Variants in MYO16 observed in about 807,000 individuals in gnomAD.
MYO16 encodes the protein myosin XVI, also known as unconventional myosin-XVI.
In MYO16, 94 loss-of-function variants were observed where a neutral mutation model predicts 205.3. That is an observed-to-expected ratio of 0.46 (90% CI 0.39 to 0.54). The LOEUF is 0.54. MYO16 is among the 20% of genes least tolerant of loss of function. The pLI is 0.00. For missense variants in MYO16, 2,315 were observed against 2,387.5 expected (o/e 0.97, Z 0.63); for synonymous variants, 988 against 954.0 (o/e 1.04, Z -0.66).
Position 108,597,059 on chromosome 13 carries a change from A to G in MYO16, c.-39+820A>G, listed in dbSNP as rs919733757. Reference sequence around the variant, plus strand: ...AAATTATCACATGTACCCTGAAACTATATACATCTATTATGCATCAATACA... The same window carrying G: ...AAATTATCACATGTACCCTGAAACTGTATACATCTATTATGCATCAATACA... On this transcript the variant is annotated intron_variant, in intron 1 of 24. Transcript: ENST00000251041. Among the ~76,000 whole-genome samples the G allele has an allele frequency of 2.6e-5, 4 of 152,342 alleles. No individual in the cohort carries two copies. In the East Asian group the frequency reaches 5.8e-4, roughly 22 times the overall value.
At chr13:108,664,203 C>T (rs1926540) in intron 1 of MYO16, among the ~76,000 whole-genome samples, 6,501 of 152,236 alleles carry the variant, frequency 0.043, 166 homozygotes, top group Middle Eastern at 0.14. Flanking sequence ...GATACTAAAA[C>T]GTATAGCTTC....
At chr13:108,661,035 T>G (rs905748877) in intron 1 of MYO16, among the ~76,000 whole-genome samples, 15 of 152,184 alleles carry the variant, frequency 9.9e-5, no homozygotes, top group Admixed American at 7.9e-4. Flanking sequence ...CCTTCCTTCA[T>G]GTATGATGCT....
Position 109,162,290 on chromosome 13 carries a change from G to C in MYO16, c.5165-2611G>C, listed in dbSNP as rs753082389. Among the ~76,000 whole-genome samples the C allele has an allele frequency of 3.9e-5, 6 of 152,180 alleles. No individual in the cohort carries two copies. Among genetic ancestry groups the C allele is most frequent in the Admixed American group, 3.9e-4 (6 of 15,274 alleles). On this transcript the variant is annotated intron_variant, in intron 32 of 34. Transcript: ENST00000457511. This position sits in a 1 kb window ranked among gnomAD's most constrained non-coding sequence, Gnocchi z 4.6. The stretch of plus-strand genomic sequence containing the variant: ...AGTCAGCAAGTGCCTTAGAGGATTC[G>C]TTTATTGCCACCAGGTGTAAGAGGA...
In MYO16 at chr13:108,653,895, G is replaced by C. The variant is rs926096725; in HGVS notation, c.29-11991G>C. Among the ~76,000 whole-genome samples, 7 of 152,152 alleles carry C rather than the reference G, an allele frequency of 4.6e-5. No individual in the cohort carries two copies. The East Asian group carries it at 5.8e-4, about 13-fold the overall frequency. On this transcript the variant is annotated intron_variant, in intron 1 of 34. Transcript: ENST00000457511. The stretch of plus-strand genomic sequence containing the variant: ...TCCTATGTATTGAGACAGCTCAACA[G>C]AGAAAACCCATAAGGGAGTGAAGGA...
At chr13:108,500,305 C>T in the MYO16 span, among the ~76,000 whole-genome samples, 14 of 134,596 alleles carry the variant, frequency 1.0e-4, no homozygotes, top group Admixed American at 4.3e-4. Context: ...TCTCATCTCA[C>T]TGCAACCTCT....
chr13:108,704,121 C>T (rs537316331), intron 2 of MYO16, among the ~76,000 whole-genome samples: 1 of 152,240 alleles, frequency 6.6e-6, no homozygotes, highest in Non-Finnish European at 1.5e-5. Context: ...GTTTCCAGAA[C>T]TATGAGAAAA....
chr13:108,869,207 T>C (rs1878886171), intron 12 of MYO16, among the ~76,000 whole-genome samples: 1 of 152,144 alleles, frequency 6.6e-6, no homozygotes, highest in South Asian at 2.1e-4. Flanking sequence ...CAGTTCAATT[T>C]AGAAACAGAC....
chr13:108,747,943 A>G (rs1885118225), intron 4 of MYO16, among the ~76,000 whole-genome samples: 1 of 152,114 alleles, frequency 6.6e-6, no homozygotes, highest in African/African-American at 2.4e-5. Context: ...AGGAATTGAT[A>G]GATCAAACAG....
chr13:108,965,313 C>A (rs1166039625), intron 20 of MYO16, among the ~76,000 whole-genome samples: 1 of 152,124 alleles, frequency 6.6e-6, no homozygotes, highest in Non-Finnish European at 1.5e-5. Flanking sequence ...GGTTTTGGAT[C>A]AGTAATTCTT....
intron 1 of MYO16, among the ~76,000 whole-genome samples, chr13:108,663,713 G>A (rs1012228912): frequency 2.0e-5 from 3 of 152,186 alleles, no homozygotes; most frequent in Non-Finnish European, 2.9e-5. Flanking sequence ...TTCACCAAGA[G>A]ACGCTTCTTA....
the MYO16 span, among the ~76,000 whole-genome samples, chr13:108,551,664 G>A: frequency 6.6e-6 from 1 of 151,994 alleles, no homozygotes; most frequent in East Asian, 1.9e-4. Context: ...CAAGGATTCT[G>A]CGTTGCCCAG....
At chr13:108,698,127 C>T (rs545620608) in intron 2 of MYO16, among the ~76,000 whole-genome samples, 30 of 152,226 alleles carry the variant, frequency 2.0e-4, no homozygotes, top group African/African-American at 5.3e-4. Context: ...TGTCCAGCAC[C>T]GATAATTAAG....
At chr13:108,968,153 C>G (rs1310971019) in intron 20 of MYO16, among the ~76,000 whole-genome samples, 1 of 152,214 alleles carries the variant, frequency 6.6e-6, no homozygotes, top group African/African-American at 2.4e-5. Context: ...CACGGCAGTA[C>G]CTGTGCTCTC....
intron 13 of MYO16, among the ~76,000 whole-genome samples, chr13:108,884,651 A>T (rs1304485835): frequency 6.6e-6 from 1 of 151,572 alleles, no homozygotes; most frequent in East Asian, 2.0e-4. Flanking sequence ...AACCCATTCT[A>T]GACACAAGGA....
Position 108,757,700 on chromosome 13 carries a change from A to G in MYO16, c.508-27935A>G, listed in dbSNP as rs145243569. ...TGTGTCCAAGTGTTCTCATTGTTCA[A>G]TTCCCACCTATGAGTGAGAACATGC... is the stretch of plus-strand genomic sequence containing the variant. On this transcript the variant is annotated intron_variant, in intron 4 of 34. Transcript: ENST00000457511. Among the ~76,000 whole-genome samples the G allele has an allele frequency of 3.1e-3, 470 of 152,112 alleles. 1 individual carries two copies. Among genetic ancestry groups the G allele is most frequent in the African/African-American group, 0.011 (458 of 41,480 alleles).
At chr13:109,193,253 T>A (rs576999793) in intron 34 of MYO16, among the ~76,000 whole-genome samples, 1 of 152,342 alleles carries the variant, frequency 6.6e-6, no homozygotes, top group South Asian at 2.1e-4. Context: ...TTCCCTGTAA[T>A]AAATTGGGCA....
the MYO16 span, among the ~76,000 whole-genome samples, chr13:108,538,491 G>A: frequency 2.0e-5 from 3 of 152,062 alleles, no homozygotes; most frequent in Admixed American, 6.6e-5. Flanking sequence ...AGAACACAGT[G>A]GGTCTGAGAG....
chr13:108,895,913 C>T (rs537898775), intron 14 of MYO16, among the ~76,000 whole-genome samples: 4 of 152,164 alleles, frequency 2.6e-5, no homozygotes, highest in South Asian at 2.1e-4. Context: ...AAGCTGAGTG[C>T]TTTACACAGC....
chr13:108,811,941 A>C (rs772407475), intron 7 of MYO16, among the ~76,000 whole-genome samples: 3 of 152,220 alleles, frequency 2.0e-5, no homozygotes, highest in Non-Finnish European at 2.9e-5. Context: ...TTGAAATAAA[A>C]TACTTATTCC....
Sources: allele counts gnomAD v4.1 joint callset (sites outside exome capture counted in the v4.1 genomes callset), GRCh38; gene constraint gnomAD v4.1.1; non-coding constraint Gnocchi (gnomAD v3.1); transcripts MANE v1.5; gene names NCBI Gene and HGNC (gene_info 2026-07-23, HGNC 2026-07-21).